Variants in SETBP1 observed in about 807,000 individuals in gnomAD.
SETBP1 encodes the protein SET-binding protein.
A neutral mutation model predicts 101.0 loss-of-function variants in SETBP1; 9 were observed. The ratio of observed to expected loss-of-function variants is 0.09; its 90% CI spans 0.05 to 0.16. SETBP1 has a LOEUF of 0.16. Ranked by LOEUF, SETBP1 falls within the 10% of genes least tolerant of loss-of-function variation. SETBP1 has a pLI of 1.00. For synonymous variants in SETBP1, 818 were observed against 788.5 expected (o/e 1.04, Z -0.63); for missense variants, 1,858 against 2,033.8 (o/e 0.91, Z 1.66).
At chr18:44,958,440 C>T (rs1303419846) in intron 4 of SETBP1, among the ~76,000 whole-genome samples, 1 of 152,138 alleles carries the variant, frequency 6.6e-6, no homozygotes. Context: ...TAGGTTAGAA[C>T]ACAAATATGA....
intron 2 of SETBP1, among the ~76,000 whole-genome samples, chr18:44,706,602 A>AG: frequency 6.8e-6 from 1 of 146,416 alleles, no homozygotes; most frequent in African/African-American, 2.5e-5. Context: ...AAAAAAAAAA[A>AG]AAAAAAAAAA....
At chr18:44,755,902 G>A (rs2070481186) in intron 2 of SETBP1, among the ~76,000 whole-genome samples, 1 of 152,046 alleles carries the variant, frequency 6.6e-6, no homozygotes, top group Admixed American at 6.5e-5. Flanking sequence ...AATAAAATTT[G>A]TGTTCCTTTT....
chr18:44,948,836 T>G (rs560572252), intron 3 of SETBP1, among the ~76,000 whole-genome samples: 6 of 152,374 alleles, frequency 3.9e-5, no homozygotes, highest in Non-Finnish European at 7.3e-5. Context: ...TTGTAGACAC[T>G]GATTATGTTG....
chr18:44,688,000 T>C (rs552762677), intron 1 of SETBP1, among the ~76,000 whole-genome samples: 8 of 152,204 alleles, frequency 5.3e-5, no homozygotes, highest in African/African-American at 1.9e-4. Flanking sequence ...TTGATTTGGG[T>C]TGGAGTAGGA....
intron 4 of SETBP1, among the ~76,000 whole-genome samples, chr18:44,995,205 G>A (rs1236877159): frequency 6.3e-5 from 9 of 142,034 alleles, no homozygotes; most frequent in South Asian, 2.2e-4. Flanking sequence ...GCAGTGGCGC[G>A]ATCTTGGCTC....
intron 2 of SETBP1, among the ~76,000 whole-genome samples, chr18:44,808,906 T>C (rs976203583): frequency 1.3e-5 from 2 of 152,204 alleles, no homozygotes; most frequent in Admixed American, 6.5e-5. Flanking sequence ...ACCAATTGGA[T>C]ACAAATCTCA....
At chr18:44,687,551 T>G (rs973169011) in intron 1 of SETBP1, among the ~76,000 whole-genome samples, 1 of 152,140 alleles carries the variant, frequency 6.6e-6, no homozygotes, top group African/African-American at 2.4e-5. Context: ...GAGCTGAATG[T>G]GAGGACATAC....
chr18:44,942,569 C>T (rs2071110518), intron 3 of SETBP1, among the ~76,000 whole-genome samples: 1 of 152,116 alleles, frequency 6.6e-6, no homozygotes, highest in Non-Finnish European at 1.5e-5. Context: ...TAGAAAGTAC[C>T]CCCAGGCAGA....
rs2145597327 is a variant in SETBP1, at chr18:45,063,791, A to G, written c.*93A>G. On this transcript the variant is annotated 3_prime_UTR_variant, in exon 6 of 6. Coordinates refer to ENST00000649279, the MANE Select transcript of SETBP1 (RefSeq NM_015559.3). ...GGGGGCGGAATCCCCCGCTGCAGGG[A>G]CACCCACGCCCTTCTCTCCAGAAGC... 2.1e-6 allele frequency: 3 copies of G among 1,399,892 alleles called. No homozygotes were observed. The highest frequency in any genetic ancestry group is 2.6e-5 in the East Asian group (1 of 37,944). The allele number at this position is 1,399,892 out of a possible 1,614,324, so 86.7% of individuals were successfully genotyped here.
At chr18:44,777,021 A>G (rs1214075745) in intron 2 of SETBP1, among the ~76,000 whole-genome samples, 2 of 152,216 alleles carry the variant, frequency 1.3e-5, no homozygotes, top group African/African-American at 4.8e-5. Context: ...AATGTGGGCA[A>G]TAAAATAAGG....
intron 4 of SETBP1, among the ~76,000 whole-genome samples, chr18:44,968,705 T>C (rs1314338493): frequency 1.3e-5 from 2 of 152,208 alleles, no homozygotes; most frequent in Non-Finnish European, 2.9e-5. Context: ...GCTTCATAAA[T>C]TCTTTCTTCC....
At chr18:44,779,997 C>T (rs2071092396) in intron 2 of SETBP1, among the ~76,000 whole-genome samples, 1 of 152,152 alleles carries the variant, frequency 6.6e-6, no homozygotes, top group African/African-American at 2.4e-5. Context: ...CACACACACT[C>T]TGCACTTTCC....
At chr18:44,830,292 C>T (rs113376919) in intron 2 of SETBP1, among the ~76,000 whole-genome samples, 2 of 152,312 alleles carry the variant, frequency 1.3e-5, no homozygotes, top group African/African-American at 4.8e-5. Flanking sequence ...TTTTACTGAA[C>T]ACAGTCTCTT....
chr18:44,948,957 G>A (rs1215940281), intron 3 of SETBP1, among the ~76,000 whole-genome samples: 3 of 151,612 alleles, frequency 2.0e-5, no homozygotes, highest in Non-Finnish European at 4.4e-5. Flanking sequence ...AGTTGACAAA[G>A]TTTGGAGGAG....
chr18:45,061,814 A>G (rs2073894604), intron 5 of SETBP1, among the ~76,000 whole-genome samples: 1 of 152,232 alleles, frequency 6.6e-6, no homozygotes, highest in South Asian at 2.1e-4. Context: ...TAATAATGGG[A>G]GGAAACAACA....
intron 4 of SETBP1, among the ~76,000 whole-genome samples, chr18:44,982,357 G>A (rs977113351): frequency 6.6e-6 from 1 of 152,214 alleles, no homozygotes. Flanking sequence ...GTCGCCTCAG[G>A]GGGCCAGAGC....
intron 3 of SETBP1, among the ~76,000 whole-genome samples, chr18:44,885,297 G>A (rs925269774): frequency 6.6e-6 from 1 of 152,098 alleles, no homozygotes; most frequent in Admixed American, 6.6e-5. Flanking sequence ...AATAGATTTG[G>A]CAAAGGCAGA....
At chr18:44,946,287 G>A (rs977061099) in intron 3 of SETBP1, among the ~76,000 whole-genome samples, 5 of 152,164 alleles carry the variant, frequency 3.3e-5, no homozygotes, top group Non-Finnish European at 7.3e-5. Context: ...GGAACAATGG[G>A]ATCAGGCAGT....
rs191416960 is a variant in SETBP1 at position 44,863,190 on chromosome 18, C to G, written c.487-6040C>G. Reference sequence around the variant, plus strand: ...CAGAGCCTTTTGCTTGGTAGAAGCCCTCCTTAGACCCCTTTCCTTTTCTCT... The same window carrying G: ...CAGAGCCTTTTGCTTGGTAGAAGCCGTCCTTAGACCCCTTTCCTTTTCTCT... On this transcript the variant is annotated intron_variant, in intron 2 of 5. Transcript: ENST00000649279. Among the ~76,000 whole-genome samples, 306 of 152,288 alleles carry G rather than the reference C, an allele frequency of 2.0e-3. 2 individuals are homozygous for G. The highest frequency in any genetic ancestry group is 3.4e-3 in the Non-Finnish European group (232 of 68,028).
Sources: allele counts gnomAD v4.1 joint callset (sites outside exome capture counted in the v4.1 genomes callset), GRCh38; gene constraint gnomAD v4.1.1; transcripts MANE v1.5; gene names NCBI Gene and HGNC (gene_info 2026-07-23, HGNC 2026-07-21).